The following GON4L variants were observed in gnomAD, a reference collection of about 807,000 sequenced individuals.
The protein encoded by GON4L is gon-4 like.
GON4L carries 87 observed loss-of-function variants against 211.8 expected under a neutral mutation model. That is an observed-to-expected ratio of 0.41 (90% CI 0.35 to 0.49). The LOEUF (loss-of-function observed/expected upper bound fraction) is 0.49. Ranked by LOEUF, GON4L falls within the 20% of genes least tolerant of loss-of-function variation. The pLI is 0.15. For missense variants in GON4L, 2,155 were observed against 2,659.5 expected, an observed-to-expected ratio of 0.81 and a Z score of 4.17; for synonymous variants, 875 against 962.6, an observed-to-expected ratio of 0.91 and a Z score of 1.68.
chr1:155,754,230 A>T, intron 28 of GON4L, 145 bp downstream of exon 28: 1 of 706,850 alleles, frequency 1.4e-6, no homozygotes. Flanking sequence ...AGCAGATTCC[A>T]TTTATTTTGC....
In GON4L at chr1:155,795,242, T is replaced by G. The variant is rs757690609; in HGVS notation, c.1646-91A>C. ...ATAAAGCACATTTATTCTTTATTTTTTTGAGACAGGGTCTCACTCTGTCGC... is the reference window on the plus strand; with the variant it reads ...ATAAAGCACATTTATTCTTTATTTTGTTGAGACAGGGTCTCACTCTGTCGC... On this transcript the variant is annotated intron_variant, in intron 11 of 31. Transcript: ENST00000368331. The G allele has an allele frequency of 3.9e-4, 324 of 820,630 alleles. 1 individual carries two copies. The highest frequency in any genetic ancestry group is 5.1e-4 in the Non-Finnish European group (245 of 481,960). The allele number at this position is 820,630 out of a possible 1,614,324, so 50.8% of individuals were successfully genotyped here. A position where few individuals can be genotyped will look rare whatever the true frequency, so the allele number is the denominator to read the frequency against.
Position 155,802,154 on chromosome 1 carries a change from A to G in GON4L, c.1645+2795T>C, listed in dbSNP as rs910751281. The stretch of plus-strand genomic sequence containing the variant: ...CACAGATGCATACCAAAGTATTATC[A>G]GTAGTCCCTCTGGGGAACCAAACTT... On this transcript the variant is annotated intron_variant, in intron 11 of 31. Transcript: ENST00000368331. Among the ~76,000 whole-genome samples the G allele has an allele frequency of 2.6e-5, 4 of 152,370 alleles. No homozygotes were observed. The East Asian group carries it at 7.7e-4, about 29-fold the overall frequency.
Position 155,777,717 on chromosome 1 carries a change from C to T in GON4L, c.1996G>A (p.Glu666Lys). The T allele has an allele frequency of 1.2e-6, 2 of 1,612,902 alleles. No homozygotes were observed. Among genetic ancestry groups the T allele is most frequent in the Non-Finnish European group, 1.7e-6 (2 of 1,178,876 alleles). The change falls in exon 15 of 32, where the codon GAA becomes AAA. Residue 666 changes from glutamate (E) to lysine (K), a missense_variant. This residue lies in a region of GON4L where 551 missense variants were observed against 854.0 expected (regional missense o/e 0.65). Transcript: ENST00000368331. The stretch of plus-strand genomic sequence containing the variant: ...CTCTGGGGTTTAACCTTCTCTACTT[C>T]CTGCAGCTGTTTGGCTGAAGATTTC... ...MKKSSAKQLQEVEKVKPQSEK... is the reference protein window; with the variant it reads ...MKKSSAKQLQKVEKVKPQSEK...
chr1:155,848,816 A>G (rs1391015126), intron 2 of GON4L, among the ~76,000 whole-genome samples: 1 of 152,230 alleles, frequency 6.6e-6, no homozygotes, highest in Non-Finnish European at 1.5e-5. Context: ...TAAACATCAA[A>G]ATGTGTTTTG....
At chr1:155,782,986 A>G (rs1407266179) in intron 14 of GON4L, among the ~76,000 whole-genome samples, 1 of 152,172 alleles carries the variant, frequency 6.6e-6, no homozygotes, top group Non-Finnish European at 1.5e-5. Flanking sequence ...AAGAAGTTAC[A>G]AAGAGTCAAT....
At chr1:155,856,223 C>T (rs1362839962) in intron 1 of GON4L, among the ~76,000 whole-genome samples, 1 of 150,702 alleles carries the variant, frequency 6.6e-6, no homozygotes, top group Non-Finnish European at 1.5e-5. Context: ...TTCTTTCTTT[C>T]TCTCTCTCTC....
chr1:155,752,130 A>G lies in GON4L; in HGVS notation c.6303T>C (p.Ile2101=). 2 of 1,613,254 alleles carry G rather than the reference A, an allele frequency of 1.2e-6. No individual in the cohort carries two copies. The highest frequency in any genetic ancestry group is 1.7e-6 in the Non-Finnish European group (2 of 1,179,366). Residue 2101 remains isoleucine (I), a synonymous_variant, in exon 30 of 32, where the codon ATT becomes ATC. Transcript: ENST00000368331. The part of the protein sequence containing the change: ...TCPVHESPSG[I]DTSETSPKAP... ...CTTTGGGAGAAGTCTCTGAGGTGTC[A>G]ATTCCTGATGGAGATTCATGGACAG...
intron 27 of GON4L, chr1:155,756,688 G>A: frequency 2.7e-6 from 1 of 375,204 alleles, no homozygotes; most frequent in Admixed American, 3.8e-5. Flanking sequence ...ACTTTGGGAG[G>A]CCGAGGCGGG....
downstream of GON4L, chr1:155,748,362 G>T: frequency 6.4e-7 from 1 of 1,571,324 alleles, no homozygotes. Flanking sequence ...TCTTTTCCAG[G>T]CCCGAGGCCA....
intron 28 of GON4L, chr1:155,754,145 G>T: frequency 1.7e-6 from 1 of 575,044 alleles, no homozygotes; most frequent in Non-Finnish European, 3.1e-6. Context: ...ATTTTAACTG[G>T]TATTTTGTTT....
chr1:155,791,937 C>CATAAT (rs1665634676), intron 12 of GON4L, among the ~76,000 whole-genome samples: 2 of 122,378 alleles, frequency 1.6e-5, no homozygotes. Context: ...CATAACATAA[C>CATAAT]ATAACATAAA....
chr1:155,821,767 C>A (rs1668762818), intron 4 of GON4L, among the ~76,000 whole-genome samples: 1 of 152,168 alleles, frequency 6.6e-6, no homozygotes, highest in African/African-American at 2.4e-5. Context: ...GCAAATGAAC[C>A]AATCTCATTA....
Position 155,805,126 on chromosome 1 carries a change from G to C in GON4L, c.1468C>G (p.Leu490Val), listed in dbSNP as rs1341872581. ...MDSFQPMDDSLIAFRTRSKMP... is the reference protein window; with the variant it reads ...MDSFQPMDDSVIAFRTRSKMP... Reference sequence around the variant, plus strand: ...TTAGAACGCGTTCGAAATGCAATGAGACTGTCATCCATGGGCTGGACAATG... The same window carrying C: ...TTAGAACGCGTTCGAAATGCAATGACACTGTCATCCATGGGCTGGACAATG... Residue 490 changes from leucine to valine, a missense_variant, in exon 11 of 32, where the codon CTC (leucine) becomes GTC (valine). This residue lies in a region of GON4L where 551 missense variants were observed against 854.0 expected (regional missense o/e 0.65). Transcript: ENST00000368331. 6.2e-7 allele frequency: 1 copy of C among 1,612,888 alleles called. No homozygotes were observed. The highest frequency in any genetic ancestry group is 8.5e-7 in the Non-Finnish European group (1 of 1,178,868).
At chr1:155,810,559 T>A (rs1242462096) in intron 10 of GON4L, among the ~76,000 whole-genome samples, 3 of 151,460 alleles carry the variant, frequency 2.0e-5, no homozygotes, top group African/African-American at 7.3e-5. Context: ...ATACAAAAAA[T>A]TAGCCGGGCA....
downstream of GON4L, chr1:155,749,601 A>G: frequency 2.2e-6 from 3 of 1,367,810 alleles, no homozygotes; most frequent in South Asian, 2.6e-5. Context: ...TCCACCGGGT[A>G]TGGTTCTGGA....
intron 23 of GON4L, among the ~76,000 whole-genome samples, chr1:155,761,175 G>GTTTTTTTTTTTTTTT (rs921323729): frequency 9.1e-6 from 1 of 109,540 alleles, no homozygotes; most frequent in Non-Finnish European, 1.8e-5. Context: ...CTTATGTGTG[G>GTTTTTTTTTTTTTTT]TTTTTTTTTT....
At chr1:155,848,498 T>C (rs1466652977) in intron 2 of GON4L, among the ~76,000 whole-genome samples, 1 of 152,222 alleles carries the variant, frequency 6.6e-6, no homozygotes, top group South Asian at 2.1e-4. Context: ...GGATCTACTC[T>C]TTCTACCTGA....
chr1:155,839,840 C>T (rs1670624926), intron 2 of GON4L, among the ~76,000 whole-genome samples: 2 of 152,122 alleles, frequency 1.3e-5, no homozygotes, highest in African/African-American at 4.8e-5. Flanking sequence ...GTAAGGGTTT[C>T]AAGGTATTGA....
intron 2 of GON4L, among the ~76,000 whole-genome samples, chr1:155,850,448 A>G (rs1671668754): frequency 6.6e-6 from 1 of 152,244 alleles, no homozygotes; most frequent in Non-Finnish European, 1.5e-5. Flanking sequence ...GCCACATGCT[A>G]TGACAAGGGA....
Sources: gnomAD v4.1 joint callset for allele counts (sites outside exome capture counted in the v4.1 genomes callset) on GRCh38, gnomAD v4.1.1 for gene constraint, gnomAD v4.1.1 regional missense constraint, MANE v1.5 for transcripts, NCBI Gene and HGNC (gene_info 2026-07-23, HGNC 2026-07-21) for gene names.